Variants in GSAP observed in about 807,000 individuals in gnomAD.
GSAP encodes gamma-secretase-activating protein.
GSAP carries 118 observed loss-of-function variants against 131.7 expected under a neutral mutation model. That is an observed-to-expected ratio of 0.90 (90% confidence interval 0.77 to 1.04). GSAP has a LOEUF of 1.04. GSAP is among the 50% of genes least tolerant of loss of function. The pLI is 0.00. For missense variants in GSAP, 1,019 were observed against 1,013.2 expected, an observed-to-expected ratio of 1.01 and a Z score of -0.08; for synonymous variants, 381 against 363.4, an observed-to-expected ratio of 1.05 and a Z score of -0.55.
At chr7:77,349,555 T>C (rs1792455116) in intron 18 of GSAP, 151 bp from the exon 19 acceptor site, 1 of 618,802 alleles carries the variant, frequency 1.6e-6, no homozygotes, top group Admixed American at 2.8e-5. Context: ...AGGGCATAAA[T>C]AACAGTGAAT....
At chr7:77,401,789 C>A (rs113695833) in intron 3 of GSAP, among the ~76,000 whole-genome samples, 4 of 152,074 alleles carry the variant, frequency 2.6e-5, no homozygotes, top group African/African-American at 7.2e-5. Context: ...TAGGAAATAT[C>A]GAAGACAATC....
At chr7:77,375,854 AAAAAC>A (rs1031204961) in intron 10 of GSAP, among the ~76,000 whole-genome samples, 29 of 151,920 alleles carry the variant, frequency 1.9e-4, no homozygotes, top group African/African-American at 6.3e-4. Context: ...AAAAAAAAAA[AAAAAC>A]AAACAAAAAA....
chr7:77,406,870 C>A (rs1432416363), intron 1 of GSAP, among the ~76,000 whole-genome samples: 5 of 152,174 alleles, frequency 3.3e-5, no homozygotes, highest in African/African-American at 9.7e-5. Flanking sequence ...AGAGAAAAAA[C>A]AGTCTTCGAA....
chr7:77,341,194 C>A (rs748182656), intron 19 of GSAP, among the ~76,000 whole-genome samples: 1 of 152,106 alleles, frequency 6.6e-6, no homozygotes, highest in Non-Finnish European at 1.5e-5. Context: ...ACATTGGTCC[C>A]TCCCTAGTCT....
At chr7:77,379,609 C>G (rs1004237553) in intron 8 of GSAP, among the ~76,000 whole-genome samples, 3 of 152,130 alleles carry the variant, frequency 2.0e-5, no homozygotes, top group Admixed American at 6.5e-5. Context: ...AAGCCCTCTT[C>G]TAACCAGCCA....
chr7:77,412,811 T>G (rs910455816), intron 1 of GSAP, among the ~76,000 whole-genome samples: 1 of 151,198 alleles, frequency 6.6e-6, no homozygotes, highest in Admixed American at 6.6e-5. Flanking sequence ...TTTTGAGCTG[T>G]CACGGGCTTG....
intron 12 of GSAP, 43 bp from the exon 13 acceptor site, chr7:77,362,703 G>A (rs372959082): frequency 1.8e-6 from 2 of 1,139,820 alleles, no homozygotes; most frequent in Non-Finnish European, 1.3e-6. Flanking sequence ...CAGAATCTAT[G>A]TCATAAATAA....
At chr7:77,370,690 C>T (rs1317927907) in intron 12 of GSAP, among the ~76,000 whole-genome samples, 1 of 152,160 alleles carries the variant, frequency 6.6e-6, no homozygotes, top group Non-Finnish European at 1.5e-5. Context: ...TTTCCCTTTC[C>T]AGCTGCTGCC....
intron 5 of GSAP, among the ~76,000 whole-genome samples, chr7:77,392,635 G>C (rs774095737): frequency 1.3e-5 from 2 of 152,184 alleles, no homozygotes; most frequent in Non-Finnish European, 2.9e-5. Context: ...CACAAGGAGA[G>C]ACAGCAGGAT....
intron 8 of GSAP, among the ~76,000 whole-genome samples, chr7:77,380,459 G>A (rs1797624433): frequency 6.6e-6 from 1 of 152,148 alleles, no homozygotes; most frequent in Non-Finnish European, 1.5e-5. Context: ...AAAGGTTTAA[G>A]ATGATTTATA....
intron 19 of GSAP, chr7:77,330,942 T>C (rs145545851): frequency 2.1e-5 from 16 of 757,920 alleles, no homozygotes; most frequent in African/African-American, 9.4e-5. Flanking sequence ...CTTTGAATTA[T>C]TGATATAATT....
chr7:77,383,240 G>C (rs1798046390), intron 6 of GSAP, among the ~76,000 whole-genome samples: 1 of 151,792 alleles, frequency 6.6e-6, no homozygotes, highest in Non-Finnish European at 1.5e-5. Context: ...TTCTAGGGAT[G>C]GTACTTCCTA....
chr7:77,326,349 G>C (rs1338424554), intron 22 of GSAP, 76 bp from the exon 23 acceptor site: 2 of 991,912 alleles, frequency 2.0e-6, no homozygotes, highest in Non-Finnish European at 3.1e-6. Context: ...GAATCAGCCT[G>C]GGTTTCCCTT....
At chr7:77,340,492 C>T (rs1392790330) in intron 19 of GSAP, among the ~76,000 whole-genome samples, 1 of 152,200 alleles carries the variant, frequency 6.6e-6, no homozygotes, top group African/African-American at 2.4e-5. Flanking sequence ...GCCCAAGGAA[C>T]ATCTCACCAA....
intron 12 of GSAP, among the ~76,000 whole-genome samples, chr7:77,364,045 TAAAA>T (rs556208187): frequency 1.3e-5 from 2 of 151,872 alleles, no homozygotes; most frequent in African/African-American, 4.8e-5. Context: ...TGAAATTGCT[TAAAA>T]AAAAGACTTT....
chr7:77,311,904 C>A lies in GSAP; in HGVS notation c.2410G>T (p.Val804Leu). 3.7e-6 allele frequency: 6 copies of A among 1,602,994 alleles called. No individual in the cohort carries two copies. The highest frequency in any genetic ancestry group is 5.1e-6 in the Non-Finnish European group (6 of 1,169,934). ...NSMINKSSFS[V>L]EFLPLNYFIE... ...AAGTAGTTCAGAGGCAGAAATTCTACACTGAACGATGACTTGTTAATCATA... is the reference window on the plus strand; with the variant it reads ...AAGTAGTTCAGAGGCAGAAATTCTAAACTGAACGATGACTTGTTAATCATA... Residue 804 changes from valine to leucine, a missense_variant, in exon 30 of 31, where the codon GTA becomes TTA. By Grantham distance (32) the Val-to-Leu change is conservative (BLOSUM62 1). Coordinates refer to ENST00000257626, the MANE Select transcript of GSAP (RefSeq NM_017439.4).
intron 6 of GSAP, among the ~76,000 whole-genome samples, chr7:77,385,643 G>A (rs1363440185): frequency 1.3e-5 from 2 of 152,108 alleles, no homozygotes; most frequent in African/African-American, 2.4e-5. Flanking sequence ...CTGAGGGTAG[G>A]AGAATGCAGC....
rs760060646 is a variant in GSAP, at chr7:77,332,736, G to A, written c.1546-2369C>T. Among the ~76,000 whole-genome samples the A allele has an allele frequency of 4.3e-4, 65 of 152,060 alleles. 1 individual carries two copies. The highest frequency in any genetic ancestry group is 3.2e-4 in the Non-Finnish European group (22 of 68,008). On this transcript the variant is annotated intron_variant, in intron 19 of 30. Transcript: ENST00000257626. Reference sequence around the variant, plus strand: ...AAACATCCCAAAAATATTTTCACACGAACTTACATGTTTTTTAGGAGGGGG... The same window carrying A: ...AAACATCCCAAAAATATTTTCACACAAACTTACATGTTTTTTAGGAGGGGG...
intron 1 of GSAP, among the ~76,000 whole-genome samples, chr7:77,409,652 T>C (rs1802916557): frequency 6.6e-6 from 1 of 152,234 alleles, no homozygotes. Context: ...TGGAATGCAA[T>C]GTGTCAATAT....
Sources: gnomAD v4.1 joint callset for allele counts (sites outside exome capture counted in the v4.1 genomes callset) on GRCh38, gnomAD v4.1.1 for gene constraint, MANE v1.5 for transcripts, NCBI Gene and HGNC (gene_info 2026-07-23, HGNC 2026-07-21) for gene names.